The following CCDC170 variants were observed in gnomAD, a reference collection of about 807,000 sequenced individuals.
CCDC170 encodes coiled-coil domain-containing protein 170.
CCDC170 carries 69 observed loss-of-function variants against 72.6 expected under a neutral mutation model. That is an observed-to-expected ratio of 0.95 (90% CI 0.78 to 1.16). The LOEUF (loss-of-function observed/expected upper bound fraction) is 1.16, where lower values mean the gene tolerates loss of function less well. Ranked by LOEUF, CCDC170 falls within the 50% of genes most tolerant of loss-of-function variation. CCDC170 has a pLI of 0.00. For missense variants in CCDC170, 852 were observed against 832.5 expected, an observed-to-expected ratio of 1.02 and a Z score of -0.29; for synonymous variants, 300 against 303.9, an observed-to-expected ratio of 0.99 and a Z score of 0.13.
intron 1 of CCDC170, among the ~76,000 whole-genome samples, chr6:151,505,473 G>T (rs111618195): frequency 0.13 from 19,786 of 151,886 alleles, 1,461 homozygotes; most frequent in Middle Eastern, 0.2. Flanking sequence ...CACGAGGTCA[G>T]GAGATCGAGA....
chr6:151,544,677 G>A lies in CCDC170; in HGVS notation c.549G>A (p.Glu183=). Residue 183 remains glutamate, a synonymous_variant, in exon 4 of 11, where the codon GAG becomes GAA. Transcript: ENST00000239374. ...TGCGTGACTGCTTGGATCCAGATGA[G>A]AGGAATGACAAGGCATCAGATGAAG... The part of the protein sequence containing the change: ...TQLRDCLDPD[E]RNDKASDEDL... The A allele has an allele frequency of 2.5e-6, 4 of 1,613,138 alleles. No individual in the cohort carries two copies. The highest frequency in any genetic ancestry group is 3.4e-6 in the Non-Finnish European group (4 of 1,179,206).
At chr6:151,546,625 C>A (rs1247019038) in intron 4 of CCDC170, among the ~76,000 whole-genome samples, 1 of 152,128 alleles carries the variant, frequency 6.6e-6, no homozygotes, top group Non-Finnish European at 1.5e-5. Context: ...GCCCTAAGCC[C>A]CCCAGACAGC....
At chr6:151,576,174 A>G (rs757023865) in intron 6 of CCDC170, among the ~76,000 whole-genome samples, 1 of 152,204 alleles carries the variant, frequency 6.6e-6, no homozygotes, top group Non-Finnish European at 1.5e-5. Context: ...AACAAATTAC[A>G]TGAGACTTTC....
chr6:151,534,749 T>C (rs1159206826), intron 1 of CCDC170, among the ~76,000 whole-genome samples: 1 of 152,276 alleles, frequency 6.6e-6, no homozygotes, highest in Admixed American at 6.5e-5. Flanking sequence ...ACACTGGTCA[T>C]GACGCTTGTT....
intron 1 of CCDC170, among the ~76,000 whole-genome samples, chr6:151,509,505 T>C (rs1038666413): frequency 6.6e-6 from 1 of 152,184 alleles, no homozygotes; most frequent in Admixed American, 6.5e-5. Flanking sequence ...GAAATTATCT[T>C]ACTAACTTGA....
chr6:151,562,164 A>T (rs368611996), intron 5 of CCDC170, among the ~76,000 whole-genome samples: 3 of 152,072 alleles, frequency 2.0e-5, no homozygotes, highest in South Asian at 4.2e-4. Context: ...AATTTCTCTC[A>T]GATGTTATTG....
rs1418841491 is a variant in CCDC170 at position 151,517,025 on chromosome 6, C to G, written c.58-19293C>G. Among the ~76,000 whole-genome samples, 3 of 152,308 alleles carry G rather than the reference C, an allele frequency of 2.0e-5. No individual in the cohort carries two copies. In the East Asian group the frequency reaches 5.8e-4, roughly 29 times the overall value. On this transcript the variant is annotated intron_variant, in intron 1 of 10. Coordinates refer to ENST00000239374, the MANE Select transcript of CCDC170 (RefSeq NM_025059.4). Reference sequence around the variant, plus strand: ...GCCTGCAGCTTGATTTTACAAGCTGCTCTTTGTTAGGAAAGAAAATGATTT... The same window carrying G: ...GCCTGCAGCTTGATTTTACAAGCTGGTCTTTGTTAGGAAAGAAAATGATTT...
At chr6:151,595,628 C>T (rs1249541911) in intron 8 of CCDC170, among the ~76,000 whole-genome samples, 1 of 152,014 alleles carries the variant, frequency 6.6e-6, no homozygotes, top group Non-Finnish European at 1.5e-5. Flanking sequence ...CCAGCCAAGG[C>T]AACATGATGA....
chr6:151,514,157 T>G (rs1782193725), intron 1 of CCDC170, among the ~76,000 whole-genome samples: 1 of 151,182 alleles, frequency 6.6e-6, no homozygotes, highest in Non-Finnish European at 1.5e-5. Flanking sequence ...AAAAATTAGC[T>G]GGGCGTGGTG....
In CCDC170 at chr6:151,618,706, C is replaced by T. The variant is rs1481370025; in HGVS notation, c.*559C>T. ...TTTGCATAGAGGAAGGACAATAACC[C>T]TGCCATCGTGAGTTAATGTCCGGGC... On this transcript the variant is annotated 3_prime_UTR_variant, in exon 11 of 11. Coordinates refer to ENST00000239374, the MANE Select transcript of CCDC170 (RefSeq NM_025059.4). 1 of 156,056 alleles carries T rather than the reference C, an allele frequency of 6.4e-6. No homozygotes were observed. The highest frequency in any genetic ancestry group is 1.4e-5 in the Non-Finnish European group (1 of 70,184). The allele number at this position is 156,056 out of a possible 1,614,324, so 9.7% of individuals were successfully genotyped here.
At chr6:151,588,185 C>T (rs1386501925) in intron 7 of CCDC170, among the ~76,000 whole-genome samples, 1 of 152,162 alleles carries the variant, frequency 6.6e-6, no homozygotes, top group Non-Finnish European at 1.5e-5. Context: ...TCAAGTCAGA[C>T]TCGCTTAGAG....
At chr6:151,587,575 T>C (rs1280049637) in intron 7 of CCDC170, among the ~76,000 whole-genome samples, 2 of 152,168 alleles carry the variant, frequency 1.3e-5, no homozygotes, top group Non-Finnish European at 2.9e-5. Flanking sequence ...TCAAGTAACA[T>C]ATTCCTTTTC....
intron 10 of CCDC170, 24 bp downstream of exon 10, chr6:151,615,703 AC>A (rs1433977446): frequency 6.6e-7 from 1 of 1,510,030 alleles, no homozygotes; most frequent in South Asian, 1.2e-5. Context: ...TGGTGATGAA[AC>A]CTTGTTTAGG....
Position 151,548,367 on chromosome 6 carries a change from A to T in CCDC170, c.652A>T (p.Ile218Leu). The change falls in exon 5 of 11, where the codon ATA becomes TTA. Residue 218 changes from isoleucine to leucine, a missense_variant. Transcript: ENST00000239374. ...KGQIVILEET[I>L]NVHEMEAKAS... ...ACAAATTGTTATTCTTGAAGAGACT[A>T]TAAATGTCCATGAGATGGAAGCAAA... 1 of 1,613,056 alleles carries T rather than the reference A, an allele frequency of 6.2e-7. No homozygotes were observed. The highest frequency in any genetic ancestry group is 8.5e-7 in the Non-Finnish European group (1 of 1,179,354).
chr6:151,544,749 G>A (rs763588508), intron 4 of CCDC170, 33 bp downstream of exon 4: 1 of 1,577,368 alleles, frequency 6.3e-7, no homozygotes, highest in Non-Finnish European at 8.7e-7. Flanking sequence ...GTCTATAAAT[G>A]TAGTGGTGAT....
intron 9 of CCDC170, among the ~76,000 whole-genome samples, chr6:151,612,571 G>T (rs1295848460): frequency 1.3e-5 from 2 of 152,096 alleles, no homozygotes; most frequent in African/African-American, 4.8e-5. Flanking sequence ...CTTTCCTGCA[G>T]CCTAGTTAGC....
chr6:151,537,391 C>T (rs1352541694), intron 2 of CCDC170, among the ~76,000 whole-genome samples: 1 of 152,144 alleles, frequency 6.6e-6, no homozygotes, highest in African/African-American at 2.4e-5. Flanking sequence ...GAAGTAGATG[C>T]TTTCATAACT....
At chr6:151,531,930 C>T (rs1031417461) in intron 1 of CCDC170, among the ~76,000 whole-genome samples, 5 of 152,192 alleles carry the variant, frequency 3.3e-5, no homozygotes, top group African/African-American at 1.2e-4. Flanking sequence ...TGCTGAATCC[C>T]TCCCACAACT....
intron 1 of CCDC170, among the ~76,000 whole-genome samples, chr6:151,531,637 C>T (rs1278554309): frequency 6.6e-6 from 1 of 152,134 alleles, no homozygotes; most frequent in Admixed American, 6.5e-5. Flanking sequence ...TAATGTTTAA[C>T]AATGTGTTAT....
Sources: allele counts gnomAD v4.1 joint callset (sites outside exome capture counted in the v4.1 genomes callset), GRCh38; gene constraint gnomAD v4.1.1; transcripts MANE v1.5; gene names NCBI Gene and HGNC (gene_info 2026-07-23, HGNC 2026-07-21).